Variants in GALNT11 observed in about 807,000 individuals in gnomAD.
GALNT11 encodes polypeptide N-acetylgalactosaminyltransferase 11.
Under a neutral mutation model 72.7 loss-of-function variants are expected in GALNT11, and 47 were observed. That is an observed-to-expected ratio of 0.65 (90% CI 0.51 to 0.82). The LOEUF (loss-of-function observed/expected upper bound fraction) is 0.82. GALNT11 is among the 40% of genes least tolerant of loss of function. The probability of loss-of-function intolerance (pLI) is 0.00; values close to 1 mark genes in which losing one functional copy is unlikely to be tolerated. For synonymous variants in GALNT11, 270 were observed against 286.6 expected (o/e 0.94, Z 0.58); for missense variants, 677 against 778.4 (o/e 0.87, Z 1.55).
intron 4 of GALNT11, 87 bp downstream of exon 4, chr7:152,103,365 T>A: frequency 7.2e-7 from 1 of 1,392,546 alleles, no homozygotes; most frequent in Non-Finnish European, 9.9e-7. Context: ...AACTTTCAAG[T>A]ACGTGGTAGG....
intron 1 of GALNT11, among the ~76,000 whole-genome samples, chr7:152,072,888 CAG>C (rs2084741753): frequency 6.6e-6 from 1 of 152,214 alleles, no homozygotes; most frequent in Non-Finnish European, 1.5e-5. Flanking sequence ...ACCCTTTCTG[CAG>C]AGAGTAAACA....
At chr7:152,058,264 A>G (rs1273626242) in intron 1 of GALNT11, among the ~76,000 whole-genome samples, 1 of 152,146 alleles carries the variant, frequency 6.6e-6, no homozygotes, top group East Asian at 1.9e-4. Flanking sequence ...TTTGCTGGTG[A>G]GAGTCTTGCC....
chr7:152,103,303 A>G, intron 4 of GALNT11, 25 bp downstream of exon 4: 2 of 1,602,416 alleles, frequency 1.2e-6, no homozygotes, highest in Non-Finnish European at 8.5e-7. Context: ...ACCTGGTAAC[A>G]TTGGATCCAG....
rs1448114141 is a variant in GALNT11, at chr7:152,113,471, G to A, written c.1233+73G>A. ...GACTGGCCTAGTGATAGCTTTAGTT[G>A]CTTACTTTTCACTCTGGCATATTTC... On this transcript the variant is annotated intron_variant, in intron 8 of 11. Coordinates refer to ENST00000430044, the MANE Select transcript of GALNT11 (RefSeq NM_022087.4). 2.0e-6 allele frequency: 3 copies of A among 1,534,838 alleles called. No homozygotes were observed. The African/African-American group carries it at 4.1e-5, about 21-fold the overall frequency.
intron 3 of GALNT11, among the ~76,000 whole-genome samples, chr7:152,102,031 G>C (rs989809704): frequency 2.0e-5 from 3 of 151,908 alleles, no homozygotes; most frequent in African/African-American, 7.3e-5. Flanking sequence ...TGTTATCTTG[G>C]TATATCATAA....
chr7:152,100,657 C>A, intron 2 of GALNT11, 141 bp from the exon 3 acceptor site: 2 of 1,021,378 alleles, frequency 2.0e-6, no homozygotes, highest in Non-Finnish European at 2.8e-6. Flanking sequence ...TTGACTTCAA[C>A]CTAGAGACAA....
At position 152,030,485 on chromosome 7, in the gene GALNT11, A is replaced by G. The variant is rs558461559; in HGVS notation, c.-39+4601A>G. Among the ~76,000 whole-genome samples, 13 of 152,340 alleles carry G rather than the reference A, an allele frequency of 8.5e-5. No individual in the cohort carries two copies. The South Asian group carries it at 2.5e-3, about 29-fold the overall frequency. On this transcript the variant is annotated intron_variant, in intron 1 of 11. Transcript: ENST00000430044. ...TAATGATTAATGATATTCATATATAATCATCTCTATGATCTATATTTAGTA... is the reference window on the plus strand; with the variant it reads ...TAATGATTAATGATATTCATATATAGTCATCTCTATGATCTATATTTAGTA...
intron 2 of GALNT11, among the ~76,000 whole-genome samples, chr7:152,096,385 A>G (rs141632743): frequency 1.4e-4 from 22 of 152,302 alleles, no homozygotes; most frequent in African/African-American, 5.1e-4. Flanking sequence ...GACTACATCA[A>G]AAACAAAAAC....
rs1455354901 is a variant in GALNT11, at chr7:152,028,738, A to G, written c.-39+2854A>G. Among the ~76,000 whole-genome samples the G allele has an allele frequency of 2.6e-5, 4 of 152,274 alleles. No homozygotes were observed. The East Asian group carries it at 5.8e-4, about 22-fold the overall frequency. On this transcript the variant is annotated intron_variant, in intron 1 of 11. Transcript: ENST00000430044. The stretch of plus-strand genomic sequence containing the variant: ...TGGGAATTTGGCCAATGACTGCTGT[A>G]GCTACTTCCTGCTGGATAGGGGTGA...
At chr7:152,032,611 T>G (rs1307373879) in intron 1 of GALNT11, among the ~76,000 whole-genome samples, 3 of 152,226 alleles carry the variant, frequency 2.0e-5, no homozygotes, top group Non-Finnish European at 4.4e-5. Context: ...CTTTATGAGC[T>G]TCAGGCCTTA....
At chr7:152,082,585 T>C (rs60610173) in intron 1 of GALNT11, among the ~76,000 whole-genome samples, 5,159 of 152,306 alleles carry the variant, frequency 0.034, 293 homozygotes, top group African/African-American at 0.12. Flanking sequence ...AGGGCAGATA[T>C]TTAGGCTAAA....
chr7:152,038,001 C>G (rs769821599), intron 1 of GALNT11, among the ~76,000 whole-genome samples: 14 of 152,122 alleles, frequency 9.2e-5, no homozygotes, highest in Non-Finnish European at 1.3e-4. Flanking sequence ...AACTCCTGAC[C>G]TCAGGTGAGC....
At chr7:152,105,029 G>A (rs1288402091) in intron 4 of GALNT11, 2 of 397,318 alleles carry the variant, frequency 5.0e-6, no homozygotes, top group Non-Finnish European at 8.9e-6. Flanking sequence ...ACTAAAGTAA[G>A]TATTCCTCTT....
intron 1 of GALNT11, among the ~76,000 whole-genome samples, chr7:152,089,714 T>TA: frequency 6.6e-6 from 1 of 152,226 alleles, no homozygotes; most frequent in Non-Finnish European, 1.5e-5. Flanking sequence ...ACATAGAATG[T>TA]ACTATGCACC....
Position 152,030,744 on chromosome 7 carries a change from C to T in GALNT11, c.-39+4860C>T, listed in dbSNP as rs559430891. On this transcript the variant is annotated intron_variant, in intron 1 of 11. Coordinates refer to ENST00000430044, the MANE Select transcript of GALNT11 (RefSeq NM_022087.4). ...TCTGACTCTCTCTTTGTCTCTGTCT[C>T]TTTGACTTTGTCTCTTTCTTTCTCT... Among the ~76,000 whole-genome samples, 6 of 152,198 alleles carry T rather than the reference C, an allele frequency of 3.9e-5. 1 individual carries two copies. The South Asian group carries it at 8.3e-4, about 21-fold the overall frequency.
At chr7:152,030,922 G>A (rs565000984) in intron 1 of GALNT11, among the ~76,000 whole-genome samples, 1 of 152,284 alleles carries the variant, frequency 6.6e-6, no homozygotes, top group Non-Finnish European at 1.5e-5. Context: ...CTTTGGCAGT[G>A]TAAGACTGCC....
chr7:152,027,338 A>G (rs552349548), intron 1 of GALNT11, among the ~76,000 whole-genome samples: 1 of 152,236 alleles, frequency 6.6e-6, no homozygotes, highest in Non-Finnish European at 1.5e-5. Flanking sequence ...AGAATGCATA[A>G]TCACATCAGG....
chr7:152,099,342 T>TTTTATTTA (rs143805862), intron 2 of GALNT11, among the ~76,000 whole-genome samples: 6,003 of 143,610 alleles, frequency 0.042, 231 homozygotes, highest in East Asian at 0.14. Flanking sequence ...AAAAATGGAC[T>TTTTATTTA]TTTATTTATT....
At chr7:152,117,445 A>G (rs2088978015) in intron 9 of GALNT11, 70 bp downstream of exon 9, 1 of 1,426,578 alleles carries the variant, frequency 7.0e-7, no homozygotes. Flanking sequence ...GGTGTCCATA[A>G]GCTATGACAG....
Sources: allele counts gnomAD v4.1 joint callset (sites outside exome capture counted in the v4.1 genomes callset), GRCh38; gene constraint gnomAD v4.1.1; transcripts MANE v1.5; gene names NCBI Gene and HGNC (gene_info 2026-07-23, HGNC 2026-07-21).